KCNH5: variants seen among roughly 807,000 people sequenced by gnomAD.
The protein encoded by KCNH5 is potassium voltage-gated channel subfamily H member 5.
Under a neutral mutation model 96.1 loss-of-function variants are expected in KCNH5, and 46 were observed. That is an observed-to-expected ratio of 0.48 (90% confidence interval 0.38 to 0.61). The LOEUF (loss-of-function observed/expected upper bound fraction) is 0.61. Ranked by LOEUF, KCNH5 falls within the 20% of genes least tolerant of loss-of-function variation. KCNH5 has a pLI of 0.00. For synonymous variants in KCNH5, 439 were observed against 449.8 expected, an observed-to-expected ratio of 0.98 and a Z score of 0.30; for missense variants, 907 against 1,225.8, an observed-to-expected ratio of 0.74 and a Z score of 3.88.
chr14:62,846,287 T>C (rs1308372773), intron 8 of KCNH5, among the ~76,000 whole-genome samples: 3 of 152,192 alleles, frequency 2.0e-5, no homozygotes, highest in Non-Finnish European at 4.4e-5. Flanking sequence ...TCTTATTAAT[T>C]AATAAATCAC....
intron 7 of KCNH5, among the ~76,000 whole-genome samples, chr14:62,903,403 C>G (rs1393689428): frequency 6.6e-6 from 1 of 152,134 alleles, no homozygotes; most frequent in Non-Finnish European, 1.5e-5. Flanking sequence ...AGACCCAATA[C>G]AGCGACTGTC....
chr14:62,948,563 C>T (rs978829713), intron 7 of KCNH5, among the ~76,000 whole-genome samples: 6 of 151,888 alleles, frequency 4.0e-5, no homozygotes, highest in East Asian at 1.9e-4. Context: ...GATTCACAGC[C>T]GAATTCTACC....
chr14:62,726,631 C>T (rs561147551), intron 10 of KCNH5, among the ~76,000 whole-genome samples: 53 of 151,630 alleles, frequency 3.5e-4, no homozygotes, highest in East Asian at 2.3e-3. Flanking sequence ...AATAGAAAAA[C>T]GGAACTCTTG....
chr14:62,724,852 T>A (rs1884890099), intron 10 of KCNH5, among the ~76,000 whole-genome samples: 6 of 152,166 alleles, frequency 3.9e-5, no homozygotes, highest in Admixed American at 3.9e-4. Context: ...TGCCAAGAAT[T>A]GAAACTTAGA....
At chr14:62,986,223 GT>G (rs1890704613) in intron 5 of KCNH5, among the ~76,000 whole-genome samples, 1 of 152,042 alleles carries the variant, frequency 6.6e-6, no homozygotes, top group African/African-American at 2.4e-5. Flanking sequence ...TGGCAATCTG[GT>G]AAAAACTATG....
chr14:62,890,872 T>C (rs1230883903), intron 7 of KCNH5, among the ~76,000 whole-genome samples: 2 of 148,790 alleles, frequency 1.3e-5, no homozygotes, highest in Non-Finnish European at 2.9e-5. Context: ...TATTAAAAAG[T>C]CAGAATAGCT....
At position 62,733,322 on chromosome 14, in the gene KCNH5, C is replaced by T. The variant is rs112433488; in HGVS notation, c.2020-24867G>A. Among the ~76,000 whole-genome samples, 403 of 152,036 alleles carry T rather than the reference C, an allele frequency of 2.7e-3. 2 individuals are homozygous for T. Among genetic ancestry groups the T allele is most frequent in the African/African-American group, 9.3e-3 (386 of 41,462 alleles). On this transcript the variant is annotated intron_variant, in intron 10 of 10. Transcript: ENST00000322893. ...AGAACCCTTATGATGGATTAGTGTC[C>T]CATCATGAAGAGACACGAGAGAGAT... is the stretch of plus-strand genomic sequence containing the variant.
At chr14:63,025,211 ATTAGG>A (rs1178666056) in intron 1 of KCNH5, among the ~76,000 whole-genome samples, 4 of 152,080 alleles carry the variant, frequency 2.6e-5, no homozygotes, top group Admixed American at 1.3e-4. Context: ...CTCTCAACAT[ATTAGG>A]TTTAGAAGTA....
intron 5 of KCNH5, among the ~76,000 whole-genome samples, chr14:62,984,596 G>T (rs1213633713): frequency 6.6e-6 from 1 of 152,170 alleles, no homozygotes; most frequent in African/African-American, 2.4e-5. Flanking sequence ...AGATCTAAGA[G>T]CATGCGCTGC....
At chr14:62,895,992 G>C (rs1057298666) in intron 7 of KCNH5, among the ~76,000 whole-genome samples, 9 of 152,112 alleles carry the variant, frequency 5.9e-5, no homozygotes, top group Non-Finnish European at 1.2e-4. Context: ...GGGACTATAA[G>C]AAAGAAATTG....
At chr14:62,767,508 T>C (rs1885886309) in intron 10 of KCNH5, among the ~76,000 whole-genome samples, 3 of 152,130 alleles carry the variant, frequency 2.0e-5, no homozygotes, top group Admixed American at 1.3e-4. Context: ...AAGAACAAAA[T>C]CATGTTCTTT....
intron 6 of KCNH5, among the ~76,000 whole-genome samples, chr14:62,976,977 C>G (rs1363395711): frequency 6.6e-6 from 1 of 152,052 alleles, no homozygotes; most frequent in African/African-American, 2.4e-5. Context: ...TAAAATCAGA[C>G]AGTTATCAGC....
At chr14:63,034,085 A>T (rs1333687743) in intron 1 of KCNH5, among the ~76,000 whole-genome samples, 1 of 151,924 alleles carries the variant, frequency 6.6e-6, no homozygotes, top group African/African-American at 2.4e-5. Flanking sequence ...AAACCCGGCT[A>T]ATTTTTTGTA....
At chr14:63,018,407 C>A (rs1891366810) in intron 1 of KCNH5, among the ~76,000 whole-genome samples, 1 of 151,806 alleles carries the variant, frequency 6.6e-6, no homozygotes, top group Non-Finnish European at 1.5e-5. Flanking sequence ...CAAAACTGGG[C>A]AGGCATAGGG....
At chr14:62,756,700 A>T (rs1885631249) in intron 10 of KCNH5, among the ~76,000 whole-genome samples, 1 of 152,238 alleles carries the variant, frequency 6.6e-6, no homozygotes, top group Non-Finnish European at 1.5e-5. Context: ...ACAATGAGGA[A>T]AAGACAGTCT....
At chr14:62,813,607 C>T (rs1272200216) in intron 8 of KCNH5, among the ~76,000 whole-genome samples, 1 of 152,120 alleles carries the variant, frequency 6.6e-6, no homozygotes, top group African/African-American at 2.4e-5. Flanking sequence ...GGAATAAATG[C>T]ATTAATGACA....
chr14:62,942,115 A>G lies in KCNH5; in HGVS notation c.1369+8018T>C, dbSNP rs118041765. On this transcript the variant is annotated intron_variant, in intron 7 of 10. Transcript: ENST00000322893. The stretch of plus-strand genomic sequence containing the variant: ...TTCTCCATAAAGCAATGTATGCACT[A>G]TATGTAAAAAGCCCTAACATCTTTG... 1.1e-3 allele frequency among the ~76,000 whole-genome samples: 170 copies of G among 152,344 alleles called. 2 individuals are homozygous for G. In the East Asian group the frequency reaches 0.025, roughly 23 times the overall value.
intron 10 of KCNH5, among the ~76,000 whole-genome samples, chr14:62,761,622 A>G (rs1885752870): frequency 6.6e-6 from 1 of 152,210 alleles, no homozygotes; most frequent in African/African-American, 2.4e-5. Context: ...GGCTAAAAAT[A>G]CATTGTAATA....
intron 8 of KCNH5, among the ~76,000 whole-genome samples, chr14:62,842,415 AT>A (rs1887604171): frequency 6.6e-6 from 1 of 152,250 alleles, no homozygotes; most frequent in African/African-American, 2.4e-5. Flanking sequence ...ATAATTCTGA[AT>A]GCTTACTTTG....
Sources: gnomAD v4.1 joint callset for allele counts (sites outside exome capture counted in the v4.1 genomes callset) on GRCh38, gnomAD v4.1.1 for gene constraint, MANE v1.5 for transcripts, NCBI Gene and HGNC (gene_info 2026-07-23, HGNC 2026-07-21) for gene names.